TCF12: variants seen among roughly 807,000 people sequenced by gnomAD.
TCF12 encodes the protein transcription factor 12.
TCF12 carries 45 observed loss-of-function variants against 86.0 expected under a neutral mutation model. That is an observed-to-expected ratio of 0.52 (90% CI 0.41 to 0.67). TCF12 has a LOEUF of 0.67. Among genes scored for constraint, TCF12 ranks in the 30% least tolerant of loss-of-function variants. The pLI, the probability that TCF12 is intolerant of heterozygous loss-of-function variation, is 0.00. For synonymous variants in TCF12, 330 were observed against 299.6 expected, an observed-to-expected ratio of 1.10 and a Z score of -1.05; for missense variants, 881 against 859.9, an observed-to-expected ratio of 1.02 and a Z score of -0.31.
At chr15:57,074,545 C>T (rs976999188) in intron 4 of TCF12, among the ~76,000 whole-genome samples, 6 of 152,028 alleles carry the variant, frequency 3.9e-5, no homozygotes, top group South Asian at 4.1e-4. Context: ...CTTGCTCTGT[C>T]GCCCAGGCTG....
chr15:57,080,905 G>A (rs1326882972), intron 4 of TCF12, among the ~76,000 whole-genome samples: 1 of 152,132 alleles, frequency 6.6e-6, no homozygotes, highest in Non-Finnish European at 1.5e-5. Flanking sequence ...TTTTCCATGG[G>A]AATTATGTTA....
intron 3 of TCF12, among the ~76,000 whole-genome samples, chr15:56,983,860 G>A (rs544775766): frequency 4.0e-5 from 6 of 151,700 alleles, no homozygotes; most frequent in African/African-American, 1.5e-4. Flanking sequence ...AAATCAGCCG[G>A]GTAGGGTGGC....
At chr15:56,995,778 T>G (rs962938189) in intron 3 of TCF12, among the ~76,000 whole-genome samples, 2 of 152,144 alleles carry the variant, frequency 1.3e-5, no homozygotes, top group African/African-American at 4.8e-5. Context: ...TGGATGGCTT[T>G]TATTTCTTGC....
intron 3 of TCF12, among the ~76,000 whole-genome samples, chr15:57,017,216 T>TAATAA (rs1379066233): frequency 5.9e-5 from 9 of 152,176 alleles, no homozygotes; most frequent in African/African-American, 2.2e-4. Flanking sequence ...GAGGGCCTCG[T>TAATAA]AGCCCCATGT....
intron 5 of TCF12, among the ~76,000 whole-genome samples, chr15:57,122,807 A>G (rs2051333072): frequency 6.6e-6 from 1 of 152,244 alleles, no homozygotes; most frequent in Non-Finnish European, 1.5e-5. Flanking sequence ...AACTGGTCAT[A>G]AACTAAGCCT....
chr15:57,231,965 G>A (rs1228630276), intron 9 of TCF12, among the ~76,000 whole-genome samples: 3 of 152,092 alleles, frequency 2.0e-5, no homozygotes, highest in African/African-American at 7.2e-5. Context: ...GTATGTATAA[G>A]TATACCACTT....
chr15:57,019,868 C>T (rs1380354542), intron 3 of TCF12, among the ~76,000 whole-genome samples: 1 of 151,982 alleles, frequency 6.6e-6, no homozygotes, highest in Non-Finnish European at 1.5e-5. Flanking sequence ...TAATTCTAAC[C>T]TTGTGACCTT....
At chr15:57,116,698 A>G (rs2050862640) in intron 5 of TCF12, among the ~76,000 whole-genome samples, 1 of 152,186 alleles carries the variant, frequency 6.6e-6, no homozygotes, top group Admixed American at 6.5e-5. Flanking sequence ...TTTAATAATT[A>G]TTTAAATGAT....
intron 3 of TCF12, among the ~76,000 whole-genome samples, chr15:56,965,132 A>G: frequency 6.6e-6 from 1 of 152,192 alleles, no homozygotes; most frequent in East Asian, 1.9e-4. Context: ...CTTAATTCTT[A>G]TGTGAAACCT....
At chr15:57,040,980 T>G (rs1211492931) in intron 3 of TCF12, among the ~76,000 whole-genome samples, 9 of 152,214 alleles carry the variant, frequency 5.9e-5, no homozygotes, top group African/African-American at 2.2e-4. Flanking sequence ...CCCTTTTAAA[T>G]TACTGATTTT....
At chr15:56,950,477 T>A (rs1338638667) in intron 3 of TCF12, among the ~76,000 whole-genome samples, 2 of 152,052 alleles carry the variant, frequency 1.3e-5, no homozygotes, top group Non-Finnish European at 2.9e-5. Context: ...CTGCCTGCCT[T>A]GGCCTCCCAA....
chr15:57,141,609 G>A (rs1285401011), intron 5 of TCF12, among the ~76,000 whole-genome samples: 6 of 152,128 alleles, frequency 3.9e-5, no homozygotes, highest in Non-Finnish European at 7.3e-5. Context: ...TCAGCCTCCC[G>A]AAGTGCTGGG....
Position 57,282,895 on chromosome 15 carries a change from T to C in TCF12, c.*11+297T>C, listed in dbSNP as rs114306552. Reference sequence around the variant, plus strand: ...AGTATCTTCCTGATCCAAGAAGAAATAGTACAATGACTCAACCGTCAGAAA... The same window carrying C: ...AGTATCTTCCTGATCCAAGAAGAAACAGTACAATGACTCAACCGTCAGAAA... On this transcript the variant is annotated intron_variant, in intron 20 of 20. Transcript: ENST00000333725. Among the ~76,000 whole-genome samples the C allele has an allele frequency of 4.1e-3, 630 of 152,300 alleles. 4 individuals are homozygous for C. The highest frequency in any genetic ancestry group is 0.015 in the African/African-American group (612 of 41,572).
chr15:57,195,767 G>T (rs1420737698), intron 7 of TCF12, among the ~76,000 whole-genome samples: 1 of 152,202 alleles, frequency 6.6e-6, no homozygotes, highest in Non-Finnish European at 1.5e-5. Flanking sequence ...ATTTTTGGAG[G>T]CCAAGGCCGA....
intron 4 of TCF12, among the ~76,000 whole-genome samples, chr15:57,079,407 T>C (rs1380452947): frequency 6.6e-6 from 1 of 152,130 alleles, no homozygotes; most frequent in Non-Finnish European, 1.5e-5. Context: ...AAAAAATCCA[T>C]GAGAATTGCT....
At chr15:57,255,848 G>A (rs1360651260) in intron 16 of TCF12, among the ~76,000 whole-genome samples, 1 of 152,182 alleles carries the variant, frequency 6.6e-6, no homozygotes, top group Non-Finnish European at 1.5e-5. Context: ...TCTGAGACAT[G>A]AAGTGAGTCT....
chr15:57,128,420 A>T (rs140599314), intron 5 of TCF12, among the ~76,000 whole-genome samples: 1 of 152,212 alleles, frequency 6.6e-6, no homozygotes, highest in Non-Finnish European at 1.5e-5. Context: ...TTTAATCTTC[A>T]TAACACTATG....
At chr15:56,967,183 T>C (rs751773957) in intron 3 of TCF12, among the ~76,000 whole-genome samples, 56 of 152,208 alleles carry the variant, frequency 3.7e-4, no homozygotes, top group Non-Finnish European at 6.9e-4. Context: ...TTCATAATTA[T>C]TGATGGTGAT....
chr15:56,970,479 C>CAAAAAA (rs59118732), intron 3 of TCF12, among the ~76,000 whole-genome samples: 6 of 65,482 alleles, frequency 9.2e-5, no homozygotes, highest in South Asian at 7.7e-4. Context: ...GACTCCATCT[C>CAAAAAA]AAAAAAAAAA....
Sources: allele counts gnomAD v4.1 joint callset (sites outside exome capture counted in the v4.1 genomes callset), GRCh38; gene constraint gnomAD v4.1.1; transcripts MANE v1.5; gene names NCBI Gene and HGNC (gene_info 2026-07-23, HGNC 2026-07-21).